Variants in RABL3 observed in about 807,000 individuals in gnomAD.
The protein encoded by RABL3 is rab-like protein 3.
A neutral mutation model predicts 31.8 loss-of-function variants in RABL3; 31 were observed. That is an observed-to-expected ratio of 0.97 (90% CI 0.73 to 1.31). The LOEUF is 1.31. Ranked by LOEUF, RABL3 falls within the 40% of genes most tolerant of loss-of-function variation. The pLI, the probability that RABL3 is intolerant of heterozygous loss-of-function variation, is 0.00. For missense variants in RABL3, 263 were observed against 279.6 expected (o/e 0.94, Z 0.42); for synonymous variants, 97 against 99.9 (o/e 0.97, Z 0.18).
chr3:120,724,221 AC>A (rs1338883075), intron 2 of RABL3, among the ~76,000 whole-genome samples: 1 of 152,204 alleles, frequency 6.6e-6, no homozygotes, highest in Non-Finnish European at 1.5e-5. Flanking sequence ...AGAATAAAAT[AC>A]CTAGGAATCC....
At position 120,687,392 on chromosome 3, in the gene RABL3, C is replaced by G. The variant is rs1474103073; in HGVS notation, c.*2431G>C. On this transcript the variant is annotated 3_prime_UTR_variant, in exon 8 of 8. Coordinates refer to ENST00000273375, the MANE Select transcript of RABL3 (RefSeq NM_173825.5). Reference sequence around the variant, plus strand: ...CAAACTCCCGAGCTCAAGTGATCCTCCTGCCTCAGTCTCCTAGAGTGCTGG... The same window carrying G: ...CAAACTCCCGAGCTCAAGTGATCCTGCTGCCTCAGTCTCCTAGAGTGCTGG... The G allele has an allele frequency of 6.6e-6, 1 of 152,232 alleles. No individual in the cohort carries two copies. The highest frequency in any genetic ancestry group is 2.4e-5 in the African/African-American group (1 of 41,458). 9.4% of individuals were successfully genotyped at this position (152,232 alleles called of 1,614,324 possible). A position where few individuals can be genotyped will look rare whatever the true frequency, so the allele number is the denominator to read the frequency against.
Position 120,689,558 on chromosome 3 carries a change from T to C in RABL3, c.*265A>G, listed in dbSNP as rs1170161158. On this transcript the variant is annotated 3_prime_UTR_variant, in exon 8 of 8. Transcript: ENST00000273375. ...ACACTGTCATTGCTCATTTACTGCA[T>C]CATTTTGACAACATCTCATATTTAC... The C allele has an allele frequency of 2.2e-5, 7 of 321,408 alleles. No individual in the cohort carries two copies. The highest frequency in any genetic ancestry group is 4.5e-5 in the Admixed American group (1 of 22,170). The allele number at this position is 321,408 out of a possible 1,614,324, so 19.9% of individuals were successfully genotyped here.
chr3:120,733,406 G>A (rs1708912474), intron 1 of RABL3, among the ~76,000 whole-genome samples: 1 of 151,756 alleles, frequency 6.6e-6, no homozygotes, highest in Admixed American at 6.6e-5. Context: ...GTGTTGATGG[G>A]GTTGTTTTTT....
rs749966849 is a variant in RABL3, at chr3:120,709,942, A to G, written c.139-33T>C. On this transcript the variant is annotated intron_variant, in intron 2 of 7. Transcript: ENST00000273375. ...ATCAATCAATTAAAATAATTAATATAGCCACTAAACAAACTAGTAAGTACC... is the reference window on the plus strand; with the variant it reads ...ATCAATCAATTAAAATAATTAATATGGCCACTAAACAAACTAGTAAGTACC... 2.6e-6 allele frequency: 4 copies of G among 1,536,112 alleles called. No homozygotes were observed. In the Admixed American group the frequency reaches 7.6e-5, roughly 29 times the overall value.
intron 1 of RABL3, among the ~76,000 whole-genome samples, chr3:120,740,192 C>T (rs1709024203): frequency 6.6e-6 from 1 of 152,192 alleles, no homozygotes; most frequent in African/African-American, 2.4e-5. Context: ...GTGAGACTTT[C>T]AGGGTTCCTT....
chr3:120,700,291 A>C (rs757770121), intron 4 of RABL3, among the ~76,000 whole-genome samples: 10 of 152,280 alleles, frequency 6.6e-5, no homozygotes, highest in Admixed American at 3.3e-4. Context: ...AAGACAAAAA[A>C]ACTTGCATCT....
chr3:120,692,944 A>G (rs1157281503), intron 6 of RABL3, among the ~76,000 whole-genome samples: 1 of 152,194 alleles, frequency 6.6e-6, no homozygotes, highest in Non-Finnish European at 1.5e-5. Flanking sequence ...TCTAAACCAA[A>G]TGGAAATTCT....
chr3:120,692,903 G>T (rs983857049), intron 6 of RABL3, among the ~76,000 whole-genome samples: 4 of 151,996 alleles, frequency 2.6e-5, no homozygotes, highest in African/African-American at 9.7e-5. Context: ...TGCTCATAAG[G>T]GACAGAATTT....
chr3:120,730,166 G>A (rs564402319), intron 2 of RABL3, among the ~76,000 whole-genome samples: 33 of 152,300 alleles, frequency 2.2e-4, no homozygotes. Flanking sequence ...TTAACTCAAA[G>A]GAGAGAGGTG....
chr3:120,718,076 C>A (rs894678321), intron 2 of RABL3, among the ~76,000 whole-genome samples: 2 of 152,126 alleles, frequency 1.3e-5, no homozygotes, highest in Non-Finnish European at 2.9e-5. Flanking sequence ...TTCCTCTACC[C>A]ATCATTAAAC....
intron 5 of RABL3, among the ~76,000 whole-genome samples, chr3:120,698,097 G>A (rs2107577083): frequency 6.6e-6 from 1 of 152,332 alleles, no homozygotes; most frequent in Non-Finnish European, 1.5e-5. Flanking sequence ...CCAGGAGGTA[G>A]AGGCTGCAGT....
chr3:120,732,533 A>G (rs1020290966), intron 1 of RABL3, among the ~76,000 whole-genome samples: 2 of 152,140 alleles, frequency 1.3e-5, no homozygotes, highest in Non-Finnish European at 1.5e-5. Context: ...TGCCCTGTAT[A>G]AAGAAATATG....
At chr3:120,693,811 C>T (rs1708406365) in intron 6 of RABL3, among the ~76,000 whole-genome samples, 1 of 152,094 alleles carries the variant, frequency 6.6e-6, no homozygotes, top group South Asian at 2.1e-4. Flanking sequence ...AGAATCTCCT[C>T]AGTTCAGTGC....
chr3:120,725,156 C>G (rs1032892813), intron 2 of RABL3, among the ~76,000 whole-genome samples: 8 of 152,064 alleles, frequency 5.3e-5, no homozygotes, highest in South Asian at 4.1e-4. Flanking sequence ...AGACACTTCT[C>G]AAAAGAAGAC....
At chr3:120,694,941 G>A (rs537850616) in intron 5 of RABL3, among the ~76,000 whole-genome samples, 69 of 150,020 alleles carry the variant, frequency 4.6e-4, no homozygotes, top group African/African-American at 1.6e-3. Context: ...CCTACTATCC[G>A]CTGGAATTCC....
In RABL3 at chr3:120,690,464, T is replaced by C. The variant is rs376368222; in HGVS notation, c.630A>G (p.Leu210=). ...FDKVIEKRYF[L]REGNQIPGFP... is the part of the protein sequence containing the mutation. ...AGATACCAACCTGATTACCTTCTCT[T>C]AAAAAGTATCTCTTCTCTATGACCT... The change falls in exon 7 of 8, where the codon TTA becomes TTG. Residue 210 remains leucine (L), a synonymous_variant. Transcript: ENST00000273375. The C allele has an allele frequency of 6.3e-7, 1 of 1,597,550 alleles. No homozygotes were observed. The highest frequency in any genetic ancestry group is 8.6e-7 in the Non-Finnish European group (1 of 1,165,398).
In RABL3 at chr3:120,712,081, T is replaced by C. The variant is rs755406407; in HGVS notation, c.139-2172A>G. Among the ~76,000 whole-genome samples, 148 of 152,308 alleles carry C rather than the reference T, an allele frequency of 9.7e-4. 1 individual carries two copies. The Middle Eastern group carries it at 0.034, about 35-fold the overall frequency. On this transcript the variant is annotated intron_variant, in intron 2 of 7. Coordinates refer to ENST00000273375, the MANE Select transcript of RABL3 (RefSeq NM_173825.5). ...TTAAAATAGATGTCATAAAATGCAC[T>C]AAAACTCACATACTACATTCAACTT...
At chr3:120,715,107 C>A (rs1304613136) in intron 2 of RABL3, among the ~76,000 whole-genome samples, 1 of 152,166 alleles carries the variant, frequency 6.6e-6, no homozygotes, top group South Asian at 2.1e-4. Flanking sequence ...TTCTTGGGGA[C>A]AGTCCATCTA....
rs1456580979 is a variant in RABL3, at chr3:120,698,548, C to T, written c.409G>A (p.Asp137Asn). The change falls in exon 5 of 8, where the codon GAT becomes AAT. Residue 137 changes from aspartate to asparagine, a missense_variant. By Grantham distance (23) the Asp-to-Asn change is conservative (BLOSUM62 1). Transcript: ENST00000273375. Reference protein sequence around the residue: ...NGDYDQEQFADNQIPLLVIGT... With the variant: ...NGDYDQEQFANNQIPLLVIGT... The stretch of plus-strand genomic sequence containing the variant: ...ATTACCAACAGTGGTATTTGGTTAT[C>T]AGCAAACTGTTCTTGATCATAATCC... 1 of 1,612,138 alleles carries T rather than the reference C, an allele frequency of 6.2e-7. No homozygotes were observed. The highest frequency in any genetic ancestry group is 1.7e-5 in the Admixed American group (1 of 59,850).
Sources: gnomAD v4.1 joint callset for allele counts (sites outside exome capture counted in the v4.1 genomes callset) on GRCh38, gnomAD v4.1.1 for gene constraint, MANE v1.5 for transcripts, NCBI Gene and HGNC (gene_info 2026-07-23, HGNC 2026-07-21) for gene names.